GPR107: variants seen among roughly 807,000 people sequenced by gnomAD.
GPR107 encodes the protein G protein-coupled receptor 107.
GPR107 carries 31 observed loss-of-function variants against 75.5 expected under a neutral mutation model. That is an observed-to-expected ratio of 0.41 (90% confidence interval 0.31 to 0.55). The LOEUF is 0.55. GPR107 is among the 20% of genes least tolerant of loss of function. The pLI is 0.26. For missense variants in GPR107, 572 were observed against 665.7 expected (o/e 0.86, Z 1.55); for synonymous variants, 267 against 251.3 (o/e 1.06, Z -0.59).
intron 1 of GPR107, among the ~76,000 whole-genome samples, chr9:130,069,648 T>C (rs1830152132): frequency 6.6e-6 from 1 of 152,080 alleles, no homozygotes; most frequent in Admixed American, 6.6e-5. Flanking sequence ...TAGGTGAAGG[T>C]CCTACAGATA....
At chr9:130,084,978 T>C (rs1830582120) in intron 6 of GPR107, among the ~76,000 whole-genome samples, 1 of 152,036 alleles carries the variant, frequency 6.6e-6, no homozygotes, top group Admixed American at 6.6e-5. Flanking sequence ...AAAGACTGGA[T>C]GATGACAAAT....
chr9:130,069,314 G>A (rs1479820618), intron 1 of GPR107, among the ~76,000 whole-genome samples: 2 of 152,160 alleles, frequency 1.3e-5, no homozygotes, highest in Non-Finnish European at 2.9e-5. Context: ...AATCCTTGGT[G>A]AAACAGGCAC....
intron 15 of GPR107, among the ~76,000 whole-genome samples, chr9:130,126,126 A>C (rs920371602): frequency 2.0e-5 from 3 of 151,924 alleles, no homozygotes; most frequent in Non-Finnish European, 4.4e-5. Flanking sequence ...AACTAGTTAC[A>C]TGTTGTGGTA....
At chr9:130,071,437 A>C (rs559468654) in intron 1 of GPR107, among the ~76,000 whole-genome samples, 2 of 152,040 alleles carry the variant, frequency 1.3e-5, no homozygotes, top group Non-Finnish European at 2.9e-5. Flanking sequence ...AATGGCTCTC[A>C]TATCAGATCT....
chr9:130,092,906 A>G (rs1210685417), intron 9 of GPR107, among the ~76,000 whole-genome samples: 1 of 152,192 alleles, frequency 6.6e-6, no homozygotes, highest in Non-Finnish European at 1.5e-5. Flanking sequence ...GGCATGAGCC[A>G]CCGTGCCTGG....
intron 6 of GPR107, among the ~76,000 whole-genome samples, chr9:130,085,771 T>TTTTTTTTTTTTTTTTTTTTTTGG (rs1830600791): frequency 1.5e-5 from 2 of 133,500 alleles, no homozygotes; most frequent in African/African-American, 2.7e-5. Flanking sequence ...TTTTTTTTTT[T>TTTTTTTTTTTTTTTTTTTTTTGG]GCCGGGGGGA....
In GPR107 at chr9:130,134,059, A is replaced by G. The variant is rs76805266; in HGVS notation, c.1563-966A>G. On this transcript the variant is annotated intron_variant, in intron 17 of 17. Coordinates refer to ENST00000347136, the MANE Select transcript of GPR107 (RefSeq NM_020960.5). ...TGGAAAGAGCCTGTTGAGTTGATTG[A>G]TTGAATTTATTTTACTGATGAGGAA... Among the ~76,000 whole-genome samples the G allele has an allele frequency of 6.5e-3, 990 of 152,178 alleles. 15 individuals carry two copies. Among genetic ancestry groups the G allele is most frequent in the African/African-American group, 0.022 (927 of 41,526 alleles).
intron 14 of GPR107, among the ~76,000 whole-genome samples, chr9:130,122,054 C>G (rs1324422356): frequency 6.6e-6 from 1 of 152,056 alleles, no homozygotes; most frequent in Non-Finnish European, 1.5e-5. Flanking sequence ...CCATGCCCGG[C>G]TAATTTTTTG....
intron 1 of GPR107, among the ~76,000 whole-genome samples, chr9:130,065,124 G>C (rs1199073461): frequency 1.3e-5 from 2 of 152,260 alleles, no homozygotes; most frequent in South Asian, 2.1e-4. Context: ...TTATTTTTGA[G>C]TAATAACTTT....
intron 6 of GPR107, among the ~76,000 whole-genome samples, chr9:130,085,568 C>T (rs1184031106): frequency 6.6e-6 from 1 of 152,024 alleles, no homozygotes; most frequent in African/African-American, 2.4e-5. Context: ...TGTAAGCCCC[C>T]TGTCCCCAAG....
intron 15 of GPR107, among the ~76,000 whole-genome samples, chr9:130,125,569 C>A (rs1423056299): frequency 6.8e-6 from 1 of 146,366 alleles, no homozygotes; most frequent in African/African-American, 2.5e-5. Context: ...CTGTGTCTTT[C>A]AAAATGGGAA....
intron 7 of GPR107, among the ~76,000 whole-genome samples, chr9:130,090,583 C>G (rs1201256956): frequency 1.3e-5 from 2 of 152,164 alleles, no homozygotes; most frequent in Non-Finnish European, 2.9e-5. Flanking sequence ...TTTCACTATA[C>G]AATTGTCAGC....
intron 1 of GPR107, among the ~76,000 whole-genome samples, chr9:130,054,438 CT>C (rs1229178376): frequency 1.3e-5 from 2 of 152,194 alleles, no homozygotes; most frequent in Non-Finnish European, 2.9e-5. Flanking sequence ...GCTGGCTTTC[CT>C]TGTCCGCGGT....
chr9:130,109,761 G>A (rs1336836903), intron 14 of GPR107, among the ~76,000 whole-genome samples: 1 of 151,284 alleles, frequency 6.6e-6, no homozygotes, highest in Non-Finnish European at 1.5e-5. Flanking sequence ...AGTAGAGACA[G>A]GGTTCCACTA....
Position 130,083,653 on chromosome 9 carries a change from G to A in GPR107, c.564+51G>A, listed in dbSNP as rs376315613. ...TCAGCTTTTCTGGATATGTGTGTACGTGTGTGTGTTATATGCATGTGTGTG... is the reference window on the plus strand; with the variant it reads ...TCAGCTTTTCTGGATATGTGTGTACATGTGTGTGTTATATGCATGTGTGTG... On this transcript the variant is annotated intron_variant, in intron 6 of 17. Transcript: ENST00000347136. The A allele has an allele frequency of 1.2e-4, 133 of 1,110,044 alleles. 1 individual carries two copies. In the South Asian group the frequency reaches 1.3e-3, roughly 11 times the overall value. 68.8% of individuals were successfully genotyped at this position (1,110,044 alleles called of 1,614,324 possible).
chr9:130,068,601 A>T (rs1289924226), intron 1 of GPR107, among the ~76,000 whole-genome samples: 1 of 151,802 alleles, frequency 6.6e-6, no homozygotes, highest in African/African-American at 2.4e-5. Context: ...TCATTACTCT[A>T]TTTTTTTTAT....
At chr9:130,101,027 T>A (rs1029271818) in intron 11 of GPR107, 79 bp from the exon 12 acceptor site, 1 of 848,836 alleles carries the variant, frequency 1.2e-6, no homozygotes, top group Non-Finnish European at 2.0e-6. Flanking sequence ...TGTGAACTCA[T>A]AGAATGAGCT....
chr9:130,117,678 G>A (rs1371410669), intron 14 of GPR107, among the ~76,000 whole-genome samples: 2 of 152,154 alleles, frequency 1.3e-5, no homozygotes, highest in African/African-American at 4.8e-5. Flanking sequence ...GCTGTCCATC[G>A]TCTTTATTTC....
chr9:130,127,763 C>T (rs999276573), intron 16 of GPR107, among the ~76,000 whole-genome samples, 197 bp downstream of exon 16: 4 of 152,090 alleles, frequency 2.6e-5, no homozygotes, highest in African/African-American at 4.8e-5. Flanking sequence ...AGTGCAGTGG[C>T]GCAATCTCAG....
Sources: gnomAD v4.1 joint callset for allele counts (sites outside exome capture counted in the v4.1 genomes callset) on GRCh38, gnomAD v4.1.1 for gene constraint, MANE v1.5 for transcripts, NCBI Gene and HGNC (gene_info 2026-07-23, HGNC 2026-07-21) for gene names.